The following CASK variants were observed in gnomAD, a reference collection of about 807,000 sequenced individuals.
The protein encoded by CASK is peripheral plasma membrane protein CASK.
A neutral mutation model predicts 82.9 loss-of-function variants in CASK; 4 were observed. The observed-to-expected ratio is 0.05, with a 90% CI of 0.02 to 0.11. The LOEUF is 0.11. Among genes scored for constraint, CASK ranks in the 10% least tolerant of loss-of-function variants. The probability of loss-of-function intolerance (pLI) is 1.00; values close to 1 mark genes in which losing one functional copy is unlikely to be tolerated. For missense variants in CASK, 358 were observed against 720.9 expected (o/e 0.50, Z 5.76); for synonymous variants, 259 against 253.5 (o/e 1.02, Z -0.20).
chrX:41,756,605 T>A (rs1265945075), intron 3 of CASK, among the ~76,000 whole-genome samples: 1 of 112,551 alleles, frequency 8.9e-6, no homozygotes, highest in Admixed American at 9.4e-5. Flanking sequence ...AACCTTATTT[T>A]GCTGTAATAA....
chrX:41,826,360 C>T (rs2070665089), intron 2 of CASK, among the ~76,000 whole-genome samples: 1 of 112,280 alleles, frequency 8.9e-6, no homozygotes, highest in South Asian at 3.7e-4. Context: ...GTTATCACTG[C>T]GTCCTCACAT....
chrX:41,716,896 C>A (rs1345174066), intron 5 of CASK, among the ~76,000 whole-genome samples: 1 of 111,656 alleles, frequency 9.0e-6, no homozygotes, highest in Non-Finnish European at 1.9e-5. Context: ...CATGTTAACT[C>A]CCTTGTTCTT....
chrX:41,872,878 C>T (rs1483712825), intron 1 of CASK, among the ~76,000 whole-genome samples: 8 of 110,769 alleles, frequency 7.2e-5, no homozygotes, highest in Non-Finnish European at 1.5e-4. Flanking sequence ...CAGTTCAAAT[C>T]ACCTCATGGA....
At chrX:41,567,309 G>A (rs371640087) in intron 16 of CASK, among the ~76,000 whole-genome samples, 1 of 111,943 alleles carries the variant, frequency 8.9e-6, no homozygotes, top group Admixed American at 9.5e-5. Flanking sequence ...GCAACCTACA[G>A]AATGGGAGAG....
intron 1 of CASK, among the ~76,000 whole-genome samples, chrX:41,865,336 ATAGCT>A (rs775795339): frequency 4.5e-5 from 5 of 111,592 alleles, no homozygotes; most frequent in African/African-American, 1.6e-4. Context: ...TTTCCTTCTG[ATAGCT>A]TAGCCAAAAA....
chrX:41,789,381 G>A (rs2069672805), intron 2 of CASK, among the ~76,000 whole-genome samples: 1 of 111,833 alleles, frequency 8.9e-6, no homozygotes, highest in South Asian at 3.8e-4. Context: ...ATTCTAATGA[G>A]AAGCTGGATG....
At chrX:41,628,936 C>T (rs934661588) in intron 9 of CASK, among the ~76,000 whole-genome samples, 1 of 111,688 alleles carries the variant, frequency 9.0e-6, no homozygotes, top group Non-Finnish European at 1.9e-5. Context: ...ATTTTTATTT[C>T]CAAATGAAGT....
intron 5 of CASK, among the ~76,000 whole-genome samples, chrX:41,714,751 A>G (rs1398628916): frequency 1.8e-5 from 2 of 112,012 alleles, no homozygotes; most frequent in African/African-American, 6.5e-5. Flanking sequence ...CTATGACTGA[A>G]GGACATAAAA....
chrX:41,815,886 G>A (rs1257979332), intron 2 of CASK, among the ~76,000 whole-genome samples: 1 of 111,603 alleles, frequency 9.0e-6, no homozygotes, highest in East Asian at 2.8e-4. Context: ...TTTGAGACAG[G>A]ATCTGGCACT....
At chrX:41,788,994 G>A (rs1443554401) in intron 2 of CASK, among the ~76,000 whole-genome samples, 1 of 111,862 alleles carries the variant, frequency 8.9e-6, no homozygotes, top group Non-Finnish European at 1.9e-5. Flanking sequence ...AGATCACACA[G>A]CTATCATGAG....
intron 1 of CASK, among the ~76,000 whole-genome samples, chrX:41,888,234 CT>C (rs1317026124): frequency 9.0e-6 from 1 of 111,689 alleles, no homozygotes; most frequent in African/African-American, 3.3e-5. Flanking sequence ...GGAATTAGTA[CT>C]TTCCAGAGCA....
chrX:41,779,845 CA>C (rs778478328), intron 3 of CASK, among the ~76,000 whole-genome samples: 2 of 105,641 alleles, frequency 1.9e-5, no homozygotes, highest in Non-Finnish European at 2.0e-5. Context: ...AATACTAGAC[CA>C]AAAAAAAATA....
rs762694983 is a variant in CASK at position 41,573,398 on chromosome X, C to G, written c.1504-3652G>C. 1.6e-4 allele frequency among the ~76,000 whole-genome samples: 18 copies of G among 110,335 alleles called. No individual in the cohort carries two copies. The South Asian group carries it at 5.4e-3, about 33-fold the overall frequency. On this transcript the variant is annotated intron_variant, in intron 15 of 26. Transcript: ENST00000378163. ...TTTGGAATGTTTTCAGGCGTTATTT[C>G]TTCAAACATTTCTTCTTTCTTTTCC...
chrX:41,712,565 T>A (rs1163356343), intron 5 of CASK, among the ~76,000 whole-genome samples: 1 of 112,798 alleles, frequency 8.9e-6, no homozygotes, highest in African/African-American at 3.2e-5. Context: ...ACTGTCCTTG[T>A]CCATTACTGG....
chrX:41,571,461 C>T (rs775746770), intron 15 of CASK, among the ~76,000 whole-genome samples: 2 of 111,561 alleles, frequency 1.8e-5, no homozygotes, highest in Non-Finnish European at 3.8e-5. Context: ...CTGTTTATTT[C>T]TTTATCATCC....
chrX:41,813,483 A>C (rs1280820665), intron 2 of CASK, among the ~76,000 whole-genome samples: 4 of 111,452 alleles, frequency 3.6e-5, no homozygotes, highest in African/African-American at 1.3e-4. Flanking sequence ...CAAAAACAAG[A>C]AATAGGGAAA....
intron 8 of CASK, among the ~76,000 whole-genome samples, chrX:41,647,894 C>T (rs766685287): frequency 5.4e-5 from 6 of 111,531 alleles, no homozygotes; most frequent in Admixed American, 9.6e-5. Flanking sequence ...CCTTAGGACC[C>T]TGTAATAATT....
intron 5 of CASK, chrX:41,728,536 G>T (rs2068309689): frequency 8.2e-6 from 1 of 121,833 alleles, no homozygotes; most frequent in Admixed American, 9.5e-5. Context: ...TTGAGGTCAG[G>T]AGTTCAAGAC....
intron 5 of CASK, among the ~76,000 whole-genome samples, chrX:41,719,915 G>A (rs191052831): frequency 2.7e-5 from 3 of 112,919 alleles, no homozygotes; most frequent in Non-Finnish European, 5.6e-5. Flanking sequence ...AGGCTAAATT[G>A]TGGGAGCTAA....
Sources: gnomAD v4.1 joint callset for allele counts (sites outside exome capture counted in the v4.1 genomes callset) on GRCh38, gnomAD v4.1.1 for gene constraint, MANE v1.5 for transcripts, NCBI Gene and HGNC (gene_info 2026-07-23, HGNC 2026-07-21) for gene names.